NHSL1: variants seen among roughly 807,000 people sequenced by gnomAD.
NHSL1 encodes NHS like 1, also known as NHS-like protein 1.
In NHSL1, 48 loss-of-function variants were observed where a neutral mutation model predicts 95.0. The ratio of observed to expected loss-of-function variants is 0.51; its 90% confidence interval spans 0.40 to 0.64. The LOEUF (loss-of-function observed/expected upper bound fraction) is 0.64, where lower values mean the gene tolerates loss of function less well. NHSL1 is among the 30% of genes least tolerant of loss of function. The probability of loss-of-function intolerance (pLI) is 0.00; values close to 1 mark genes in which losing one functional copy is unlikely to be tolerated. For missense variants in NHSL1, 1,971 were observed against 2,077.7 expected (o/e 0.95, Z 1.00); for synonymous variants, 783 against 833.9 (o/e 0.94, Z 1.05).
At chr6:138,612,109 C>CAAA (rs368848438) in intron 1 of NHSL1, among the ~76,000 whole-genome samples, 61 of 73,268 alleles carry the variant, frequency 8.3e-4, no homozygotes, top group African/African-American at 2.2e-3. Flanking sequence ...GACTCCATCT[C>CAAA]AAAAAAAAAA....
At chr6:138,652,416 G>C (rs1329755247) in intron 1 of NHSL1, among the ~76,000 whole-genome samples, 1 of 149,892 alleles carries the variant, frequency 6.7e-6, no homozygotes, top group Non-Finnish European at 1.5e-5. Context: ...CTCCAGCCTG[G>C]GCAACAAGAG....
intron 1 of NHSL1, among the ~76,000 whole-genome samples, chr6:138,538,837 C>G (rs1782467326): frequency 6.6e-6 from 1 of 152,168 alleles, no homozygotes. Flanking sequence ...TGTACTACAA[C>G]TTGTGGCTCC....
intron 3 of NHSL1, among the ~76,000 whole-genome samples, chr6:138,472,672 T>C (rs895976541): frequency 6.6e-6 from 1 of 152,244 alleles, no homozygotes; most frequent in African/African-American, 2.4e-5. Flanking sequence ...TCTTCATATA[T>C]TTTTACTCTT....
intron 3 of NHSL1, among the ~76,000 whole-genome samples, chr6:138,460,420 G>A (rs1299392958): frequency 6.6e-6 from 1 of 152,032 alleles, no homozygotes; most frequent in Non-Finnish European, 1.5e-5. Context: ...TGGATTAAAA[G>A]TATTTGAACA....
intron 1 of NHSL1, among the ~76,000 whole-genome samples, chr6:138,545,054 G>A (rs900931025): frequency 1.4e-5 from 2 of 138,678 alleles, no homozygotes; most frequent in African/African-American, 2.6e-5. Flanking sequence ...GCAGTGGCGC[G>A]ATCTCGGCTC....
intron 1 of NHSL1, among the ~76,000 whole-genome samples, chr6:138,504,670 C>T (rs944715856): frequency 1.4e-4 from 22 of 152,132 alleles, no homozygotes; most frequent in African/African-American, 5.1e-4. Context: ...GCAAGGGGGT[C>T]CCTGATGGAG....
intron 1 of NHSL1, among the ~76,000 whole-genome samples, chr6:138,567,957 C>T (rs963435566): frequency 1.3e-5 from 2 of 152,130 alleles, no homozygotes; most frequent in Non-Finnish European, 2.9e-5. Flanking sequence ...GGGGATACAA[C>T]AAAACAAGCT....
chr6:138,564,698 G>A lies in NHSL1; in HGVS notation c.202+7012C>T, dbSNP rs180878834. Among the ~76,000 whole-genome samples, 47 of 151,664 alleles carry A rather than the reference G, an allele frequency of 3.1e-4. No individual in the cohort carries two copies. The East Asian group carries it at 6.4e-3, about 21-fold the overall frequency. On this transcript the variant is annotated intron_variant, in intron 1 of 6. Transcript: ENST00000427025. Reference sequence around the variant, plus strand: ...GAGTCTCCATCCTAAAACAGGTCACGGCTAGTTCAAGACACAGACAAGTAA... The same window carrying A: ...GAGTCTCCATCCTAAAACAGGTCACAGCTAGTTCAAGACACAGACAAGTAA...
At chr6:138,597,518 T>C (rs1784317867) in intron 1 of NHSL1, among the ~76,000 whole-genome samples, 3 of 152,200 alleles carry the variant, frequency 2.0e-5, no homozygotes, top group South Asian at 4.1e-4. Context: ...GTACATGTTG[T>C]TCGTTTCTGG....
intron 1 of NHSL1, among the ~76,000 whole-genome samples, chr6:138,496,882 A>T (rs1562327637): frequency 6.6e-6 from 1 of 152,258 alleles, no homozygotes; most frequent in African/African-American, 2.4e-5. Context: ...TTACATTTTT[A>T]AAAAATTAAG....
intron 3 of NHSL1, among the ~76,000 whole-genome samples, chr6:138,470,366 T>C (rs920806246): frequency 2.6e-5 from 4 of 152,206 alleles, no homozygotes; most frequent in Non-Finnish European, 4.4e-5. Flanking sequence ...CACGTCTCAC[T>C]GTAGCCTTGA....
intron 1 of NHSL1, among the ~76,000 whole-genome samples, chr6:138,593,042 G>C (rs1784253861): frequency 6.6e-6 from 1 of 152,136 alleles, no homozygotes; most frequent in Non-Finnish European, 1.5e-5. Context: ...TGATTTAATG[G>C]AGCCTGGATG....
intron 2 of NHSL1, among the ~76,000 whole-genome samples, chr6:138,476,941 A>G (rs1433342469): frequency 6.7e-6 from 1 of 149,370 alleles, no homozygotes; most frequent in Non-Finnish European, 1.5e-5. Flanking sequence ...AAACCTGCAC[A>G]TATACTCCCT....
intron 1 of NHSL1, chr6:138,545,586 G>T: frequency 7.9e-7 from 1 of 1,264,342 alleles, no homozygotes; most frequent in Non-Finnish European, 1.0e-6. Flanking sequence ...TCCCCAAGTA[G>T]AACTTTGCCA....
In NHSL1 at chr6:138,432,607, T is replaced by C. The variant is rs962712031; in HGVS notation, c.1738A>G (p.Ser580Gly). The change falls in exon 6 of 8, where the codon AGT (serine) becomes GGT (glycine). Residue 580 changes from serine to glycine, a missense_variant. Physicochemically the swap from Ser to Gly is moderately conservative, Grantham distance 56. This residue lies in a region of NHSL1 where 1,602 missense variants were observed against 1,654.5 expected (regional missense o/e 0.97). Coordinates refer to ENST00000343505, the MANE Select transcript of NHSL1 (RefSeq NM_001144060.2). This position sits in a 1 kb window ranked among gnomAD's most constrained non-coding sequence, Gnocchi z 4.4. The stretch of plus-strand genomic sequence containing the variant: ...TCCAAACTGCAGCTGCTCATGTTAC[T>C]TGTGGGAGTGGAATAGCCAGGAGTT... The part of the protein sequence containing the change: ...LATPGYSTPT[S>G]NMSSCSLDQT... 16 of 1,551,646 alleles carry C rather than the reference T, an allele frequency of 1.0e-5. No homozygotes were observed. Among genetic ancestry groups the C allele is most frequent in the South Asian group, 9.5e-5 (8 of 84,060 alleles).
chr6:138,672,924 G>A (rs570153285), intron 1 of NHSL1, among the ~76,000 whole-genome samples: 1 of 152,228 alleles, frequency 6.6e-6, no homozygotes, highest in South Asian at 2.1e-4. Context: ...GGCTGAGGCA[G>A]GAAAATTGCT....
chr6:138,569,182 G>T (rs1356470123), intron 1 of NHSL1, among the ~76,000 whole-genome samples: 1 of 152,120 alleles, frequency 6.6e-6, no homozygotes, highest in Non-Finnish European at 1.5e-5. Context: ...ACTGATGCGA[G>T]GCTAGCTTGT....
intron 1 of NHSL1, among the ~76,000 whole-genome samples, chr6:138,497,859 C>A (rs993151227): frequency 3.5e-4 from 54 of 152,320 alleles, no homozygotes; most frequent in African/African-American, 1.0e-3. Flanking sequence ...AAGGACCCCA[C>A]CTTCTCCGTA....
chr6:138,430,688 G>T lies in NHSL1; in HGVS notation c.3657C>A (p.Asn1219Lys). ...QKDFAVEPAE[N>K]VSEALRAVPS... The stretch of plus-strand genomic sequence containing the variant: ...GCACAGCTCGGAGGGCTTCGCTCAC[G>T]TTCTCTGCGGGCTCCACTGCAAAAT... Residue 1219 changes from asparagine (N) to lysine (K), a missense_variant, in exon 6 of 8, where the codon AAC becomes AAA. Physicochemically the swap from Asn to Lys is moderately conservative, Grantham distance 94. Coordinates refer to ENST00000343505, the MANE Select transcript of NHSL1 (RefSeq NM_001144060.2). The surrounding 1 kb of genome is among the most constrained non-coding windows in gnomAD (Gnocchi z 4.7). 2 of 1,551,692 alleles carry T rather than the reference G, an allele frequency of 1.3e-6. No individual in the cohort carries two copies. The highest frequency in any genetic ancestry group is 1.7e-6 in the Non-Finnish European group (2 of 1,147,004).
Sources: allele counts gnomAD v4.1 joint callset (sites outside exome capture counted in the v4.1 genomes callset), GRCh38; gene constraint gnomAD v4.1.1; regional missense constraint gnomAD v4.1.1; non-coding constraint Gnocchi (gnomAD v3.1); transcripts MANE v1.5; gene names NCBI Gene and HGNC (gene_info 2026-07-23, HGNC 2026-07-21).